The following ATL2 variants were observed in gnomAD, a reference collection of about 807,000 sequenced individuals.
ATL2 encodes the protein atlastin GTPase 2.
A neutral mutation model predicts 73.9 loss-of-function variants in ATL2; 31 were observed. The observed-to-expected ratio is 0.42, with a 90% CI of 0.32 to 0.57. The LOEUF (loss-of-function observed/expected upper bound fraction) is 0.57, where lower values mean the gene tolerates loss of function less well. Ranked by LOEUF, ATL2 falls within the 20% of genes least tolerant of loss-of-function variation. ATL2 has a pLI of 0.14. For missense variants in ATL2, 738 were observed against 702.6 expected (o/e 1.05, Z -0.57); for synonymous variants, 291 against 237.5 (o/e 1.23, Z -2.07).
rs1325860466 is a variant in ATL2 at position 38,300,971 on chromosome 2, C to CTTT, written c.1072-646_1072-644dup. Reference sequence around the variant, plus strand: ...GTCCATATAGGGTCTTTCATCTCAACTTTCTTTTTTTTTTTTGAGAAGGAA... The same window carrying CTTT: ...GTCCATATAGGGTCTTTCATCTCAACTTTTTTCTTTTTTTTTTTTGAGAAGGAA... On this transcript the variant is annotated intron_variant, in intron 9 of 12. Coordinates refer to ENST00000378954, the MANE Select transcript of ATL2 (RefSeq NM_001135673.4). Among the ~76,000 whole-genome samples, 4 of 143,876 alleles carry CTTT rather than the reference C, an allele frequency of 2.8e-5. 1 individual carries two copies. Among genetic ancestry groups the CTTT allele is most frequent in the African/African-American group, 1.1e-4 (4 of 35,128 alleles). The allele number at this position is 143,876 out of a possible 152,430, so 94.4% of individuals were successfully genotyped here.
chr2:38,376,990 G>A (rs974703572), intron 1 of ATL2, among the ~76,000 whole-genome samples, 153 bp downstream of exon 1: 1 of 151,318 alleles, frequency 6.6e-6, no homozygotes, highest in African/African-American at 2.4e-5. Flanking sequence ...GGGCGCGGCT[G>A]AGGCTAGGCC....
chr2:38,350,325 T>C (rs1273437003), intron 1 of ATL2, among the ~76,000 whole-genome samples: 1 of 152,204 alleles, frequency 6.6e-6, no homozygotes, highest in African/African-American at 2.4e-5. Flanking sequence ...GATGATCACC[T>C]GCTTCTCAAA....
chr2:38,332,404 C>A (rs2148463870), intron 2 of ATL2, among the ~76,000 whole-genome samples: 1 of 152,102 alleles, frequency 6.6e-6, no homozygotes, highest in South Asian at 2.1e-4. Flanking sequence ...TGGAGTCTCC[C>A]TATGTTGCCC....
chr2:38,330,755 A>T (rs915320531), intron 2 of ATL2, among the ~76,000 whole-genome samples: 5 of 152,374 alleles, frequency 3.3e-5, no homozygotes, highest in Admixed American at 3.3e-4. Flanking sequence ...AATATCCCAT[A>T]TTCATGGACT....
Position 38,357,440 on chromosome 2 carries a change from G to C in ATL2, c.119-13928C>G, listed in dbSNP as rs538775882. The stretch of plus-strand genomic sequence containing the variant: ...GTCAGAAATGTTTCCTATCACATTT[G>C]GGATTAAGGAAAAAAAAAAAAGAAG... On this transcript the variant is annotated intron_variant, in intron 1 of 12. Coordinates refer to ENST00000378954, the MANE Select transcript of ATL2 (RefSeq NM_001135673.4). Among the ~76,000 whole-genome samples, 9 of 151,200 alleles carry C rather than the reference G, an allele frequency of 6.0e-5. No homozygotes were observed. The East Asian group carries it at 1.2e-3, about 20-fold the overall frequency.
At chr2:38,336,129 C>G (rs1183100316) in intron 2 of ATL2, among the ~76,000 whole-genome samples, 1 of 152,184 alleles carries the variant, frequency 6.6e-6, no homozygotes, top group African/African-American at 2.4e-5. Context: ...GAACATAAGA[C>G]AGTTTTTCTT....
At chr2:38,305,865 T>TA (rs1371847325) in intron 9 of ATL2, among the ~76,000 whole-genome samples, 3 of 151,736 alleles carry the variant, frequency 2.0e-5, no homozygotes, top group Non-Finnish European at 2.9e-5. Context: ...CCATACATCT[T>TA]AAAAAAACAG....
At chr2:38,346,998 A>G (rs1043880900) in intron 1 of ATL2, among the ~76,000 whole-genome samples, 4 of 152,190 alleles carry the variant, frequency 2.6e-5, no homozygotes, top group African/African-American at 9.7e-5. Context: ...AGGAACAAGA[A>G]TCTTCCCTGA....
intron 1 of ATL2, chr2:38,358,579 A>G: frequency 3.1e-6 from 1 of 318,202 alleles, no homozygotes. Context: ...GTAGTCCCAG[A>G]TACTCAGGAG....
intron 2 of ATL2, among the ~76,000 whole-genome samples, chr2:38,336,270 C>G (rs535429420): frequency 2.0e-5 from 3 of 152,234 alleles, no homozygotes; most frequent in East Asian, 1.9e-4. Context: ...TGTAGCAGTG[C>G]GTATGATTCT....
intron 9 of ATL2, among the ~76,000 whole-genome samples, chr2:38,308,538 T>C (rs1368462103): frequency 6.6e-6 from 1 of 152,084 alleles, no homozygotes; most frequent in Non-Finnish European, 1.5e-5. Context: ...TAGTATTTGA[T>C]AGCATAACAA....
chr2:38,319,126 GAC>G (rs1558404409), intron 2 of ATL2, 107 bp from the exon 3 acceptor site: 1 of 1,224,474 alleles, frequency 8.2e-7, no homozygotes, highest in Non-Finnish European at 1.1e-6. Context: ...AACCCGGAAA[GAC>G]AAAAAAAACA....
intron 5 of ATL2, among the ~76,000 whole-genome samples, chr2:38,314,976 C>T (rs906168599): frequency 3.9e-5 from 6 of 152,196 alleles, no homozygotes; most frequent in East Asian, 3.8e-4. Flanking sequence ...CGCAGACGGG[C>T]GCAGCGGCTC....
At chr2:38,334,741 C>T (rs772638491) in intron 2 of ATL2, among the ~76,000 whole-genome samples, 30 of 150,368 alleles carry the variant, frequency 2.0e-4, no homozygotes, top group Non-Finnish European at 3.7e-4. Context: ...AGTTTGCCTG[C>T]TTCTCACATT....
Position 38,298,242 on chromosome 2 carries a change from G to A in ATL2, c.1534C>T (p.Leu512=), listed in dbSNP as rs761759624. The A allele has an allele frequency of 1.9e-6, 3 of 1,614,080 alleles. No homozygotes were observed. Residue 512 remains leucine, a synonymous_variant, in exon 12 of 13, where the codon CTG becomes TTG. Transcript: ENST00000378954. ...VLCNLVMGLA[L]IFLCTWAYVK... is the part of the protein sequence containing the mutation. ...TATGCCCAAGTACAAAGAAATATCA[G>A]TGCTAACCCCATGACAAGGTTACAC... is the stretch of plus-strand genomic sequence containing the variant.
In ATL2 at chr2:38,303,302, C is replaced by A. The variant is rs549492063; in HGVS notation, c.1072-2974G>T. 1.4e-4 allele frequency among the ~76,000 whole-genome samples: 22 copies of A among 152,190 alleles called. No individual in the cohort carries two copies. The South Asian group carries it at 4.4e-3, about 30-fold the overall frequency. ...CTCACTGCAACCTCTGCATCCCAGG[C>A]TCAAAGGATCCTCCTACCTCAGTGT... On this transcript the variant is annotated intron_variant, in intron 9 of 12. Transcript: ENST00000378954.
chr2:38,309,264 C>CA (rs1185538750), intron 9 of ATL2, 115 bp downstream of exon 9: 1 of 1,035,464 alleles, frequency 9.7e-7, no homozygotes, highest in Non-Finnish European at 1.3e-6. Context: ...AGATAAATCA[C>CA]AAATCTTACT....
chr2:38,364,707 T>C (rs1269193986), intron 1 of ATL2, among the ~76,000 whole-genome samples: 1 of 152,242 alleles, frequency 6.6e-6, no homozygotes, highest in Non-Finnish European at 1.5e-5. Flanking sequence ...GAAGGTTTCC[T>C]TGACTCAGGC....
chr2:38,328,878 T>A, intron 2 of ATL2, among the ~76,000 whole-genome samples: 2 of 148,762 alleles, frequency 1.3e-5, no homozygotes. Context: ...AACAAATCAG[T>A]GAAACAAAAA....
Sources: allele counts gnomAD v4.1 joint callset (sites outside exome capture counted in the v4.1 genomes callset), GRCh38; gene constraint gnomAD v4.1.1; transcripts MANE v1.5; gene names NCBI Gene and HGNC (gene_info 2026-07-23, HGNC 2026-07-21).